Variants in KIF26B observed in about 807,000 individuals in gnomAD.
KIF26B encodes kinesin-like protein KIF26B.
Under a neutral mutation model 151.2 loss-of-function variants are expected in KIF26B, and 63 were observed. The observed-to-expected ratio is 0.42, with a 90% confidence interval of 0.34 to 0.51. The LOEUF (loss-of-function observed/expected upper bound fraction) is 0.51. Ranked by LOEUF, KIF26B falls within the 20% of genes least tolerant of loss-of-function variation. The pLI is 0.07. For missense variants in KIF26B, 2,813 were observed against 2,913.6 expected (o/e 0.97, Z 0.79); for synonymous variants, 1,357 against 1,262.1 (o/e 1.08, Z -1.59).
rs1376862636 is a variant in KIF26B, at chr1:245,367,184, G to C, written c.816G>C (p.Gly272=). The change falls in exon 3 of 15, where the codon GGG becomes GGC. Residue 272 remains glycine (G), a synonymous_variant. Transcript: ENST00000407071. The surrounding 1 kb of genome is among the most constrained non-coding windows in gnomAD (Gnocchi z 4.2). ...NKHGSKPSSL[G]VSNGAEKKSG... is the part of the protein sequence containing the mutation. Reference sequence around the variant, plus strand: ...ACGGCAGCAAACCCAGCAGCCTTGGGGTCAGCAATGGGGCGGAAAAGAAGA... The same window carrying C: ...ACGGCAGCAAACCCAGCAGCCTTGGCGTCAGCAATGGGGCGGAAAAGAAGA... The C allele has an allele frequency of 6.2e-7, 1 of 1,608,120 alleles. No individual in the cohort carries two copies. Among genetic ancestry groups the C allele is most frequent in the African/African-American group, 1.3e-5 (1 of 74,812 alleles).
chr1:245,646,372 G>A, intron 10 of KIF26B, 92 bp downstream of exon 10: 1 of 1,348,858 alleles, frequency 7.4e-7, no homozygotes, highest in Non-Finnish European at 1.0e-6. Flanking sequence ...GTGCCACAGA[G>A]GGACAGCCTG....
At chr1:245,179,258 C>T (rs193201336) in intron 2 of KIF26B, among the ~76,000 whole-genome samples, 24 of 152,302 alleles carry the variant, frequency 1.6e-4, no homozygotes, top group Non-Finnish European at 3.4e-4. Context: ...CATTCATTCA[C>T]GTATTCATTT....
At chr1:245,585,634 G>A (rs1272455435) in intron 5 of KIF26B, among the ~76,000 whole-genome samples, 1 of 152,152 alleles carries the variant, frequency 6.6e-6, no homozygotes, top group East Asian at 1.9e-4. Flanking sequence ...GTGGATTTAT[G>A]TATATTACTG....
At chr1:245,532,243 C>CTT (rs1558202411) in intron 4 of KIF26B, among the ~76,000 whole-genome samples, 7 of 95,190 alleles carry the variant, frequency 7.4e-5, no homozygotes, top group African/African-American at 1.4e-4. Flanking sequence ...CTTTTCTTTT[C>CTT]TTTTCTTTTT....
intron 9 of KIF26B, among the ~76,000 whole-genome samples, chr1:245,637,878 CCA>C (rs1171133735): frequency 7.2e-5 from 11 of 151,860 alleles, no homozygotes; most frequent in African/African-American, 2.7e-4. Context: ...TGTTTTTATG[CCA>C]GTGGTATACT....
intron 10 of KIF26B, among the ~76,000 whole-genome samples, chr1:245,670,074 C>T (rs1055773309): frequency 5.3e-5 from 8 of 151,964 alleles, no homozygotes; most frequent in African/African-American, 1.9e-4. Flanking sequence ...CAGACCTCAC[C>T]ACTATACAGT....
chr1:245,652,876 G>A (rs1466515135), intron 10 of KIF26B, among the ~76,000 whole-genome samples: 5 of 152,182 alleles, frequency 3.3e-5, no homozygotes, highest in South Asian at 4.1e-4. Context: ...TGCAGCAGCC[G>A]TTGTGGCGTA....
At chr1:245,681,549 G>A (rs917200454) in intron 10 of KIF26B, among the ~76,000 whole-genome samples, 2 of 152,154 alleles carry the variant, frequency 1.3e-5, no homozygotes, top group African/African-American at 4.8e-5. Flanking sequence ...ACAGGGTCAC[G>A]TGGAGATACA....
In KIF26B at chr1:245,685,936, G is replaced by A. The variant is rs764927313; in HGVS notation, c.2953G>A (p.Glu985Lys). Residue 985 changes from glutamate to lysine, a missense_variant, in exon 12 of 15, where the codon GAA (glutamate) becomes AAA (lysine). Glu to Lys is a moderately conservative substitution (Grantham distance 56). Around this residue, in one of 3 missense-constraint regions of KIF26B, gnomAD observed 2,060 missense variants for 2,088.6 expected, o/e 0.99. Coordinates refer to ENST00000407071, the MANE Select transcript of KIF26B (RefSeq NM_018012.4). The stretch of plus-strand genomic sequence containing the variant: ...GTCTGATAAGGAAGATAATGGGTCC[G>A]AAGGTCAGCTGACCAACAGAGAAGG... Reference protein sequence around the residue: ...SESDKEDNGSEGQLTNREGPE... With the variant: ...SESDKEDNGSKGQLTNREGPE... 6.8e-6 allele frequency: 11 copies of A among 1,611,304 alleles called. No homozygotes were observed. The highest frequency in any genetic ancestry group is 5.0e-5 in the Admixed American group (3 of 59,682).
At chr1:245,310,191 C>G (rs1558384151) in intron 2 of KIF26B, among the ~76,000 whole-genome samples, 1 of 148,700 alleles carries the variant, frequency 6.7e-6, no homozygotes, top group Admixed American at 6.8e-5. Flanking sequence ...ATATATATAT[C>G]CTATTAGTTC....
chr1:245,398,523 C>A (rs1392505417), intron 3 of KIF26B, among the ~76,000 whole-genome samples: 2 of 151,998 alleles, frequency 1.3e-5, no homozygotes, highest in Non-Finnish European at 2.9e-5. Flanking sequence ...GCACCCAAAG[C>A]CCAGGCTTCT....
chr1:245,249,221 TGAG>T (rs1208668627), intron 2 of KIF26B, among the ~76,000 whole-genome samples: 1 of 151,802 alleles, frequency 6.6e-6, no homozygotes, highest in African/African-American at 2.4e-5. Context: ...AAGCGCCTCC[TGAG>T]TAGCTGGGAT....
intron 4 of KIF26B, among the ~76,000 whole-genome samples, chr1:245,432,852 G>C (rs1306519475): frequency 1.3e-5 from 2 of 152,194 alleles, no homozygotes; most frequent in Non-Finnish European, 2.9e-5. Flanking sequence ...GGGACTGCCG[G>C]AATAATTCGG....
intron 5 of KIF26B, among the ~76,000 whole-genome samples, chr1:245,581,770 G>T (rs1166864114): frequency 6.6e-6 from 1 of 152,022 alleles, no homozygotes; most frequent in Non-Finnish European, 1.5e-5. Context: ...AACCCAACAA[G>T]GCAGGCTGTG....
intron 4 of KIF26B, among the ~76,000 whole-genome samples, chr1:245,451,650 A>G (rs1342504198): frequency 1.5e-5 from 2 of 133,420 alleles, no homozygotes; most frequent in East Asian, 4.2e-4. Context: ...TCACCCAGGC[A>G]AGTGCAGTGG....
rs767311494 is a variant in KIF26B, at chr1:245,688,530, G to C, written c.5547G>C (p.Ser1849=). 4.9e-4 allele frequency: 756 copies of C among 1,529,870 alleles called. 2 individuals carry two copies. The highest frequency in any genetic ancestry group is 6.5e-4 in the Non-Finnish European group (737 of 1,142,152). 94.8% of individuals were successfully genotyped at this position (1,529,870 alleles called of 1,614,324 possible). A position where few individuals can be genotyped will look rare whatever the true frequency, so the allele number is the denominator to read the frequency against. ...CCGCGGCCGCGCACCTGCTCCCGTC[G>C]CCCTACAGCAAGATCACGCCCCCGC... ...DEPAAAHLLP[S]PYSKITPPRR... The change falls in exon 12 of 15, where the codon TCG becomes TCC. Residue 1849 remains serine, a synonymous_variant. Transcript: ENST00000407071.
intron 9 of KIF26B, among the ~76,000 whole-genome samples, chr1:245,643,367 A>G (rs10924273): frequency 0.088 from 13,441 of 151,994 alleles, 680 homozygotes; most frequent in African/African-American, 0.13. Flanking sequence ...TTTATTAGCT[A>G]TTACTTTTAT....
intron 4 of KIF26B, among the ~76,000 whole-genome samples, chr1:245,479,780 T>C (rs2103068304): frequency 6.6e-6 from 1 of 151,760 alleles, no homozygotes; most frequent in East Asian, 1.9e-4. Context: ...CCAGAAACCG[T>C]CAGGTAGCAA....
rs1223238236 is a variant in KIF26B, at chr1:245,702,376, T to G, written c.6179-82T>G. ...TTAGACCAAGGGGTAGATGTGGGGG[T>G]GGCAGCTCCAGGCTGAGCCGTCGGG... On this transcript the variant is annotated intron_variant, in intron 14 of 14. Transcript: ENST00000407071. This position sits in a 1 kb window ranked among gnomAD's most constrained non-coding sequence, Gnocchi z 4.1. The G allele has an allele frequency of 6.7e-7, 1 of 1,486,586 alleles. No homozygotes were observed. The highest frequency in any genetic ancestry group is 9.3e-7 in the Non-Finnish European group (1 of 1,077,204). 92.1% of individuals were successfully genotyped at this position (1,486,586 alleles called of 1,614,324 possible). A position where few individuals can be genotyped will look rare whatever the true frequency, so the allele number is the denominator to read the frequency against.
Sources: allele counts gnomAD v4.1 joint callset (sites outside exome capture counted in the v4.1 genomes callset), GRCh38; gene constraint gnomAD v4.1.1; regional missense constraint gnomAD v4.1.1; non-coding constraint Gnocchi (gnomAD v3.1); transcripts MANE v1.5; gene names NCBI Gene and HGNC (gene_info 2026-07-23, HGNC 2026-07-21).